Variants in AP3B1 observed in about 807,000 individuals in gnomAD.
AP3B1 encodes the protein adaptor related protein complex 3 subunit beta 1.
Under a neutral mutation model 132.5 loss-of-function variants are expected in AP3B1, and 61 were observed. The observed-to-expected ratio is 0.46, with a 90% CI of 0.37 to 0.57. The LOEUF is 0.57. Ranked by LOEUF, AP3B1 falls within the 20% of genes least tolerant of loss-of-function variation. The probability of loss-of-function intolerance (pLI) is 0.00; values close to 1 mark genes in which losing one functional copy is unlikely to be tolerated. For synonymous variants in AP3B1, 388 were observed against 438.3 expected, an observed-to-expected ratio of 0.89 and a Z score of 1.43; for missense variants, 1,120 against 1,289.4, an observed-to-expected ratio of 0.87 and a Z score of 2.01.
chr5:78,287,621 C>A (rs1268735360), intron 1 of AP3B1, among the ~76,000 whole-genome samples: 1 of 152,050 alleles, frequency 6.6e-6, no homozygotes, highest in Admixed American at 6.5e-5. Flanking sequence ...AGTTCAGCTG[C>A]TAGGAATGCA....
chr5:78,078,673 G>C (rs1377551903), intron 22 of AP3B1, among the ~76,000 whole-genome samples: 1 of 152,192 alleles, frequency 6.6e-6, no homozygotes, highest in Non-Finnish European at 1.5e-5. Flanking sequence ...ACTCTTTGCA[G>C]AATTACTTGC....
At chr5:78,263,460 T>C (rs1223741593) in intron 2 of AP3B1, among the ~76,000 whole-genome samples, 1 of 152,230 alleles carries the variant, frequency 6.6e-6, no homozygotes, top group Non-Finnish European at 1.5e-5. Context: ...ATTTTACTTC[T>C]TCCTTTTCCA....
chr5:78,141,097 A>G (rs1349797413), intron 15 of AP3B1, 46 bp downstream of exon 15: 4 of 1,564,302 alleles, frequency 2.6e-6, no homozygotes, highest in Non-Finnish European at 3.5e-6. Context: ...ATCAGAGTGA[A>G]GAGGAAAGTA....
At chr5:78,137,583 CTG>C (rs1561432946) in intron 15 of AP3B1, among the ~76,000 whole-genome samples, 1 of 152,178 alleles carries the variant, frequency 6.6e-6, no homozygotes, top group Non-Finnish European at 1.5e-5. Flanking sequence ...GAAAATAACT[CTG>C]TGCCATTTCC....
In AP3B1 at chr5:78,110,326, C is replaced by A; in HGVS notation, c.2278G>T (p.Glu760Ter). The change falls in exon 20 of 27, where the codon GAA becomes TAA. Residue 760 changes from glutamate (E) to a stop codon, truncating the protein, a stop_gained. Transcript: ENST00000255194. LOFTEE classifies it high-confidence loss of function. The stretch of plus-strand genomic sequence containing the variant: ...GAAGAATCTGAAGTTTTAGATTTTT[C>A]ATTTTCCTTCTCCCCATCTTCAGAA... ...SDSEDGEKEN[E>*]KSKTSDSSND... The A allele has an allele frequency of 6.2e-7, 1 of 1,609,554 alleles. No individual in the cohort carries two copies. The highest frequency in any genetic ancestry group is 8.5e-7 in the Non-Finnish European group (1 of 1,177,044).
intron 22 of AP3B1, among the ~76,000 whole-genome samples, chr5:78,073,149 T>C (rs252753): frequency 0.26 from 40,292 of 152,188 alleles, 6,059 homozygotes; most frequent in Admixed American, 0.39. Context: ...GGACATGTAT[T>C]CTACAGCTAA....
chr5:78,194,859 A>G (rs888513052), intron 7 of AP3B1, among the ~76,000 whole-genome samples: 1 of 152,196 alleles, frequency 6.6e-6, no homozygotes, highest in African/African-American at 2.4e-5. Context: ...AAACTATTAA[A>G]TGAAAATGAC....
chr5:78,233,204 G>A (rs561748228), intron 3 of AP3B1, among the ~76,000 whole-genome samples: 3 of 151,270 alleles, frequency 2.0e-5, no homozygotes, highest in East Asian at 3.9e-4. Flanking sequence ...TCTTTCATCT[G>A]GAGAAGTTCC....
At chr5:78,090,038 C>T (rs369591952) in intron 21 of AP3B1, among the ~76,000 whole-genome samples, 7 of 152,226 alleles carry the variant, frequency 4.6e-5, no homozygotes, top group African/African-American at 1.7e-4. Context: ...AGAACTGATA[C>T]CTGTAAGTTT....
intron 7 of AP3B1, among the ~76,000 whole-genome samples, chr5:78,187,474 T>C (rs896984842): frequency 4.6e-5 from 7 of 152,208 alleles, no homozygotes; most frequent in Non-Finnish European, 1.0e-4. Context: ...AATTACATTA[T>C]TTTAATGAAA....
chr5:78,126,275 C>T (rs1266087810), intron 17 of AP3B1, among the ~76,000 whole-genome samples: 1 of 151,804 alleles, frequency 6.6e-6, no homozygotes, highest in East Asian at 1.9e-4. Context: ...TAGGCTGAGG[C>T]GGGCAGATCA....
chr5:78,230,765 T>C (rs1746612692), intron 3 of AP3B1, among the ~76,000 whole-genome samples: 2 of 152,150 alleles, frequency 1.3e-5, no homozygotes, highest in South Asian at 2.1e-4. Context: ...AGTTCCTCCA[T>C]ATAACACTAT....
intron 2 of AP3B1, among the ~76,000 whole-genome samples, chr5:78,254,741 T>C (rs1747785428): frequency 6.6e-6 from 1 of 152,052 alleles, no homozygotes; most frequent in Non-Finnish European, 1.5e-5. Context: ...GAGCAATAAA[T>C]AATCACCTGA....
At chr5:78,038,935 T>C (rs776019289) in intron 23 of AP3B1, 108 bp downstream of exon 23, 34 of 695,908 alleles carry the variant, frequency 4.9e-5, no homozygotes, top group Non-Finnish European at 7.7e-5. Flanking sequence ...GTCAATACAA[T>C]CATATTCTAC....
intron 22 of AP3B1, among the ~76,000 whole-genome samples, chr5:78,085,748 T>G (rs887422144): frequency 2.6e-5 from 4 of 152,160 alleles, no homozygotes; most frequent in Non-Finnish European, 4.4e-5. Context: ...CTAAAGTAAC[T>G]GTTAACCATG....
intron 6 of AP3B1, among the ~76,000 whole-genome samples, chr5:78,220,815 C>T (rs1202772034): frequency 6.6e-6 from 1 of 152,068 alleles, no homozygotes; most frequent in Non-Finnish European, 1.5e-5. Context: ...TTTGCAAGAC[C>T]AAAGCGAGAT....
intron 24 of AP3B1, among the ~76,000 whole-genome samples, chr5:78,032,857 T>G (rs1747639944): frequency 6.6e-6 from 1 of 152,010 alleles, no homozygotes; most frequent in Non-Finnish European, 1.5e-5. Flanking sequence ...TGAAAGAAAT[T>G]TAGAAAAAAT....
Position 78,209,798 on chromosome 5 carries a change from C to G in AP3B1, c.786+6257G>C, listed in dbSNP as rs566092513. Among the ~76,000 whole-genome samples, 26 of 152,288 alleles carry G rather than the reference C, an allele frequency of 1.7e-4. No homozygotes were observed. The South Asian group carries it at 5.2e-3, about 30-fold the overall frequency. ...AAGGGTCACTCAGAAAAATGTTTCT[C>G]ATAAGCCTTGTAGTACTATTCATTT... On this transcript the variant is annotated intron_variant, in intron 7 of 26. Transcript: ENST00000255194.
chr5:78,096,860 C>A (rs543368986), intron 21 of AP3B1, among the ~76,000 whole-genome samples: 1 of 150,764 alleles, frequency 6.6e-6, no homozygotes, highest in Non-Finnish European at 1.5e-5. Flanking sequence ...CCCCGCCAGG[C>A]CAGCCGCCCC....
Sources: allele counts gnomAD v4.1 joint callset (sites outside exome capture counted in the v4.1 genomes callset), GRCh38; gene constraint gnomAD v4.1.1; transcripts MANE v1.5; gene names NCBI Gene and HGNC (gene_info 2026-07-23, HGNC 2026-07-21).